NDE1: variants seen among roughly 807,000 people sequenced by gnomAD.
NDE1 encodes nudE neurodevelopment protein 1, also known as nuclear distribution protein nudE homolog 1.
A neutral mutation model predicts 43.4 loss-of-function variants in NDE1; 28 were observed. The ratio of observed to expected loss-of-function variants is 0.65; its 90% confidence interval spans 0.48 to 0.89. The LOEUF is 0.89. Ranked by LOEUF, NDE1 falls within the 40% of genes least tolerant of loss-of-function variation. The pLI, the probability that NDE1 is intolerant of heterozygous loss-of-function variation, is 0.00. For synonymous variants in NDE1, 184 were observed against 172.0 expected, an observed-to-expected ratio of 1.07 and a Z score of -0.55; for missense variants, 441 against 434.1, an observed-to-expected ratio of 1.02 and a Z score of -0.14.
upstream of NDE1, among the ~76,000 whole-genome samples, chr16:15,648,961 C>A (rs1416890133): frequency 6.6e-6 from 1 of 151,818 alleles, no homozygotes; most frequent in Non-Finnish European, 1.5e-5. Context: ...TTTGGGAGGC[C>A]GAGGTGGGTG....
chr16:15,717,015 A>T, intron 8 of NDE1: 2 of 1,013,688 alleles, frequency 2.0e-6, no homozygotes, highest in Non-Finnish European at 1.6e-6. Flanking sequence ...CCTGCACTGT[A>T]GGCATCACAG....
At chr16:15,675,680 C>T (rs562466212) in intron 3 of NDE1, among the ~76,000 whole-genome samples, 1 of 152,190 alleles carries the variant, frequency 6.6e-6, no homozygotes, top group Admixed American at 6.6e-5. Context: ...CTGCCTCTGC[C>T]ACCTGAAAGT....
intron 8 of NDE1, among the ~76,000 whole-genome samples, chr16:15,709,097 G>A (rs2039634740): frequency 7.1e-6 from 1 of 141,410 alleles, no homozygotes; most frequent in Non-Finnish European, 1.6e-5. Context: ...CAGGCCCCAC[G>A]TGCTTGGCTA....
chr16:15,676,474 A>G (rs550204024), intron 3 of NDE1, among the ~76,000 whole-genome samples: 1 of 151,720 alleles, frequency 6.6e-6, no homozygotes, highest in South Asian at 2.1e-4. Context: ...AGCCCTCCAA[A>G]GTGCTGGGAT....
At chr16:15,690,118 G>A (rs1433266986) in intron 5 of NDE1, among the ~76,000 whole-genome samples, 2 of 151,750 alleles carry the variant, frequency 1.3e-5, no homozygotes, top group Non-Finnish European at 2.9e-5. Context: ...TCAGCTCACT[G>A]CACTCACTGC....
chr16:15,705,777 C>G (rs986205442), intron 8 of NDE1, among the ~76,000 whole-genome samples: 1 of 151,688 alleles, frequency 6.6e-6, no homozygotes, highest in Non-Finnish European at 1.5e-5. Context: ...GTCAGGAGAT[C>G]GAGACCATCC....
intron 8 of NDE1, chr16:15,721,237 C>T (rs2040460956): frequency 2.1e-6 from 2 of 935,278 alleles, no homozygotes; most frequent in Admixed American, 4.0e-5. Context: ...CCCCCCAACT[C>T]AGACCCATCC....
Position 15,673,158 on chromosome 16 carries a change from T to C in NDE1, c.238-4643T>C, listed in dbSNP as rs553462782. On this transcript the variant is annotated intron_variant, in intron 3 of 8. Transcript: ENST00000396354. ...TTTAAATTAGACCTTGCGCCTTTCT[T>C]GTGGGAAGTGTTTTCTCTTATGTTT... 7.2e-5 allele frequency among the ~76,000 whole-genome samples: 11 copies of C among 152,256 alleles called. No individual in the cohort carries two copies. The South Asian group carries it at 2.3e-3, about 32-fold the overall frequency.
chr16:15,653,733 A>T (rs1596541111), intron 1 of NDE1, among the ~76,000 whole-genome samples: 1 of 146,580 alleles, frequency 6.8e-6, no homozygotes, highest in Admixed American at 6.8e-5. Flanking sequence ...TGTGGAAACA[A>T]TTTTTTTTTT....
rs952004650 is a variant in NDE1 at position 15,683,711 on chromosome 16, G to C, written c.387-3664G>C. On this transcript the variant is annotated intron_variant, in intron 4 of 8. Coordinates refer to ENST00000396354, the MANE Select transcript of NDE1 (RefSeq NM_017668.3). ...TTTTCACTCCAGTTACAACTAGCAT[G>C]CTGACCTTTATTTCAAAGTAAATAC... 5.9e-5 allele frequency among the ~76,000 whole-genome samples: 9 copies of C among 152,156 alleles called. No homozygotes were observed. In the South Asian group the frequency reaches 1.9e-3, roughly 32 times the overall value.
chr16:15,697,547 C>CA lies in NDE1; in HGVS notation c.947+695dup, dbSNP rs565712095. ...AACATTGGTAAAACCCCATCTCCACCAAAAAAAATAGAAAAATGAGCCAGG... is the reference window on the plus strand; with the variant it reads ...AACATTGGTAAAACCCCATCTCCACCAAAAAAAAATAGAAAAATGAGCCAGG... On this transcript the variant is annotated intron_variant, in intron 8 of 8. Transcript: ENST00000396354. 2.8e-3 allele frequency among the ~76,000 whole-genome samples: 430 copies of CA among 151,072 alleles called. 1 individual carries two copies. The highest frequency in any genetic ancestry group is 4.6e-3 in the Non-Finnish European group (314 of 67,696).
At chr16:15,646,654 C>G (rs1404247269), upstream of NDE1, among the ~76,000 whole-genome samples, 1 of 151,834 alleles carries the variant, frequency 6.6e-6, no homozygotes, top group Non-Finnish European at 1.5e-5. Flanking sequence ...ATCGCTTGAA[C>G]TGGAAGGTGG....
rs727504029 is a variant in NDE1 at position 15,691,261 on chromosome 16, C to T, written c.641C>T (p.Ser214Phe). The change falls in exon 6 of 9, where the codon TCC (serine) becomes TTC (phenylalanine). Residue 214 changes from serine (S) to phenylalanine (F), a missense_variant. Ser to Phe is a radical substitution (Grantham distance 155). Coordinates refer to ENST00000396354, the MANE Select transcript of NDE1 (RefSeq NM_017668.3). ...GTGCAGGCCACGGGCTCCGTGCCGTCCACGCCCATTGCTCACCGAGGACCC... is the reference window on the plus strand; with the variant it reads ...GTGCAGGCCACGGGCTCCGTGCCGTTCACGCCCATTGCTCACCGAGGACCC... ...TAVQATGSVPSTPIAHRGPSS... is the reference protein window; with the variant it reads ...TAVQATGSVPFTPIAHRGPSS... 21 of 1,614,174 alleles carry T rather than the reference C, an allele frequency of 1.3e-5. No homozygotes were observed. In the East Asian group the frequency reaches 4.0e-4, roughly 31 times the overall value.
chr16:15,696,045 AG>A (rs1471680546), intron 7 of NDE1: 8 of 111,354 alleles, frequency 7.2e-5, no homozygotes, highest in Non-Finnish European at 1.4e-4. Flanking sequence ...TAATTAAAAA[AG>A]AATTTTTTTT....
At chr16:15,694,640 G>A (rs924026194) in intron 7 of NDE1, 43 of 985,146 alleles carry the variant, frequency 4.4e-5, no homozygotes, top group Admixed American at 1.2e-4. Context: ...GAGCCAATGC[G>A]TCCAGCCCCT....
Position 15,718,688 on chromosome 16 carries a change from C to A in NDE1, c.948-5503C>A, listed in dbSNP as rs2040303010. Reference sequence around the variant, plus strand: ...CACACTCCTCCCTGACTCTTCCTGGCCTCCCCTTCTCCCCACACAGCTACT... The same window carrying A: ...CACACTCCTCCCTGACTCTTCCTGGACTCCCCTTCTCCCCACACAGCTACT... On this transcript the variant is annotated intron_variant, in intron 8 of 8. Coordinates refer to ENST00000396354, the MANE Select transcript of NDE1 (RefSeq NM_017668.3). The A allele has an allele frequency of 2.8e-5, 16 of 579,506 alleles. No homozygotes were observed. The South Asian group carries it at 3.1e-4, about 11-fold the overall frequency. The allele number at this position is 579,506 out of a possible 1,614,324, so 35.9% of individuals were successfully genotyped here.
intron 8 of NDE1, chr16:15,715,417 A>G (rs2040072583): frequency 1.3e-6 from 1 of 755,964 alleles, no homozygotes; most frequent in South Asian, 1.5e-5. Flanking sequence ...GTGGAATAGT[A>G]TTCAGCCATG....
At chr16:15,644,428 G>A (rs1404208469) in intron 1 of NDE1, among the ~76,000 whole-genome samples, 1 of 152,150 alleles carries the variant, frequency 6.6e-6, no homozygotes, top group Non-Finnish European at 1.5e-5. Flanking sequence ...TTTTCCAGAA[G>A]GCAGATGACA....
chr16:15,695,297 C>T (rs919087519), intron 7 of NDE1, among the ~76,000 whole-genome samples: 1 of 132,210 alleles, frequency 7.6e-6, no homozygotes, highest in African/African-American at 2.9e-5. Flanking sequence ...CACCTGAAGT[C>T]AGGAATTCAA....
Sources: allele counts gnomAD v4.1 joint callset (sites outside exome capture counted in the v4.1 genomes callset), GRCh38; gene constraint gnomAD v4.1.1; transcripts MANE v1.5; gene names NCBI Gene and HGNC (gene_info 2026-07-23, HGNC 2026-07-21).